The following CCDC73 variants were observed in gnomAD, a reference collection of about 807,000 sequenced individuals.
The protein encoded by CCDC73 is coiled-coil domain containing 73, also known as coiled-coil domain-containing protein 73.
Under a neutral mutation model 116.5 loss-of-function variants are expected in CCDC73, and 95 were observed. The observed-to-expected ratio is 0.82, with a 90% CI of 0.69 to 0.97. The LOEUF (loss-of-function observed/expected upper bound fraction) is 0.97. Among genes scored for constraint, CCDC73 ranks in the 50% least tolerant of loss-of-function variants. The pLI is 0.00. For synonymous variants in CCDC73, 398 were observed against 401.3 expected, an observed-to-expected ratio of 0.99 and a Z score of 0.10; for missense variants, 1,066 against 1,206.8, an observed-to-expected ratio of 0.88 and a Z score of 1.73.
chr11:32,770,618 T>C (rs868744778), intron 1 of CCDC73, among the ~76,000 whole-genome samples: 4 of 152,206 alleles, frequency 2.6e-5, no homozygotes, highest in Non-Finnish European at 4.4e-5. Flanking sequence ...AAACTGTTAC[T>C]GGAGTCTGCA....
chr11:32,762,220 C>T (rs1207217015), intron 1 of CCDC73, among the ~76,000 whole-genome samples: 2 of 152,100 alleles, frequency 1.3e-5, no homozygotes, highest in Non-Finnish European at 2.9e-5. Flanking sequence ...ACCAATCCTC[C>T]TACTAAAAAT....
the CCDC73 span, chr11:32,829,902 C>T: frequency 2.9e-3 from 2,889 of 985,522 alleles, 58 homozygotes; most frequent in African/African-American, 0.047. Flanking sequence ...GGCCAGGTGT[C>T]CCCAGGTAGC....
chr11:32,677,015 G>A (rs1044217870), intron 7 of CCDC73, among the ~76,000 whole-genome samples: 1 of 152,124 alleles, frequency 6.6e-6, no homozygotes, highest in Non-Finnish European at 1.5e-5. Context: ...AATAACACTT[G>A]TTAGAAGTTT....
the CCDC73 span, among the ~76,000 whole-genome samples, chr11:32,801,652 AAC>A: frequency 1.9e-4 from 28 of 145,932 alleles, 1 homozygote; most frequent in South Asian, 6.8e-4. Context: ...AAAAAAAAAA[AAC>A]AAACACTAAC....
intron 2 of CCDC73, among the ~76,000 whole-genome samples, chr11:32,736,712 G>A (rs11031958): frequency 3.6e-4 from 54 of 151,912 alleles, no homozygotes; most frequent in African/African-American, 1.3e-3. Context: ...ACATGCACAC[G>A]TATGTTTATT....
chr11:32,739,541 GAT>G (rs1210030141), intron 2 of CCDC73, among the ~76,000 whole-genome samples: 19 of 152,196 alleles, frequency 1.2e-4, no homozygotes, highest in African/African-American at 4.1e-4. Context: ...TTTGTATGAT[GAT>G]TTTGTATTCT....
chr11:32,693,952 A>G (rs1856285655), intron 6 of CCDC73, among the ~76,000 whole-genome samples: 1 of 152,178 alleles, frequency 6.6e-6, no homozygotes, highest in Middle Eastern at 3.2e-3. Flanking sequence ...ACCCACAGCC[A>G]ATATCATACT....
At chr11:32,699,683 A>G (rs1460338126) in intron 5 of CCDC73, among the ~76,000 whole-genome samples, 1 of 152,140 alleles carries the variant, frequency 6.6e-6, no homozygotes, top group Non-Finnish European at 1.5e-5. Context: ...CTGAACAATG[A>G]GACCACTTGG....
At chr11:32,637,609 C>CACACAT (rs976182047) in intron 13 of CCDC73, among the ~76,000 whole-genome samples, 5 of 151,862 alleles carry the variant, frequency 3.3e-5, no homozygotes, top group African/African-American at 9.7e-5. Flanking sequence ...AACACACACA[C>CACACAT]ACACATACAC....
intron 9 of CCDC73, among the ~76,000 whole-genome samples, chr11:32,667,122 G>C (rs1203707553): frequency 6.6e-6 from 1 of 152,250 alleles, no homozygotes; most frequent in Non-Finnish European, 1.5e-5. Flanking sequence ...GGACCCACTT[G>C]AGGAGGCAGT....
the CCDC73 span, among the ~76,000 whole-genome samples, chr11:32,805,474 A>G: frequency 1.3e-5 from 2 of 152,220 alleles, no homozygotes; most frequent in Non-Finnish European, 2.9e-5. Context: ...GCTATAAAAT[A>G]TACTAAAATG....
intron 14 of CCDC73, among the ~76,000 whole-genome samples, chr11:32,634,398 A>C (rs947311790): frequency 9.2e-5 from 14 of 152,190 alleles, no homozygotes; most frequent in South Asian, 2.1e-4. Flanking sequence ...AATAAAAAAA[A>C]CCCAATCATC....
At chr11:32,647,812 T>C (rs1200795883) in intron 12 of CCDC73, among the ~76,000 whole-genome samples, 1 of 149,944 alleles carries the variant, frequency 6.7e-6, no homozygotes, top group East Asian at 2.0e-4. Flanking sequence ...AGTAGTAAAC[T>C]GATAAACTAG....
At chr11:32,744,663 C>G (rs1273617417) in intron 2 of CCDC73, among the ~76,000 whole-genome samples, 2 of 152,170 alleles carry the variant, frequency 1.3e-5, no homozygotes, top group Non-Finnish European at 2.9e-5. Context: ...GGAATTTACC[C>G]ATTTCTTCTA....
intron 9 of CCDC73, among the ~76,000 whole-genome samples, chr11:32,667,024 C>T (rs747702281): frequency 2.0e-4 from 30 of 152,288 alleles, no homozygotes; most frequent in Admixed American, 5.2e-4. Context: ...CTGGAAGCTT[C>T]GTCTCAGAGG....
At chr11:32,699,404 C>G (rs574241883) in intron 5 of CCDC73, 79 bp from the exon 6 acceptor site, 69 of 1,317,112 alleles carry the variant, frequency 5.2e-5, no homozygotes, top group South Asian at 3.1e-4. Context: ...GCTCAAGAAC[C>G]CTTTAAGTAA....
intron 1 of CCDC73, among the ~76,000 whole-genome samples, chr11:32,766,780 T>G (rs1850446530): frequency 6.6e-6 from 1 of 152,140 alleles, no homozygotes; most frequent in South Asian, 2.1e-4. Context: ...GAAGGACCTC[T>G]TCAAGGAGAA....
At chr11:32,702,577 G>C (rs1374035043) in intron 4 of CCDC73, among the ~76,000 whole-genome samples, 2 of 152,104 alleles carry the variant, frequency 1.3e-5, no homozygotes, top group Non-Finnish European at 2.9e-5. Flanking sequence ...AAAGGGGAGA[G>C]AAAGAACAAT....
At chr11:32,818,284 G>C in the CCDC73 span, among the ~76,000 whole-genome samples, 23 of 152,206 alleles carry the variant, frequency 1.5e-4, no homozygotes, top group African/African-American at 5.5e-4. Context: ...TCAGATTCTA[G>C]AGCCAGACTA....
Sources: allele counts gnomAD v4.1 joint callset (sites outside exome capture counted in the v4.1 genomes callset), GRCh38; gene constraint gnomAD v4.1.1; transcripts MANE v1.5; gene names NCBI Gene and HGNC (gene_info 2026-07-23, HGNC 2026-07-21).